RIPOR3: variants seen among roughly 807,000 people sequenced by gnomAD.
RIPOR3 encodes the protein RIPOR family member 3, also known as family with sequence similarity 65 member C.
Under a neutral mutation model 114.3 loss-of-function variants are expected in RIPOR3, and 95 were observed. The observed-to-expected ratio is 0.83, with a 90% CI of 0.70 to 0.99. The LOEUF (loss-of-function observed/expected upper bound fraction) is 0.99. RIPOR3 is among the 50% of genes least tolerant of loss of function. The pLI is 0.00. For missense variants in RIPOR3, 1,252 were observed against 1,266.9 expected, an observed-to-expected ratio of 0.99 and a Z score of 0.18; for synonymous variants, 575 against 543.8, an observed-to-expected ratio of 1.06 and a Z score of -0.80.
chr20:50,654,864 A>G (rs1451373372), intron 1 of RIPOR3, among the ~76,000 whole-genome samples: 1 of 151,804 alleles, frequency 6.6e-6, no homozygotes, highest in African/African-American at 2.4e-5. Flanking sequence ...TCCCACCTCA[A>G]CTCCCCGAGT....
At position 50,589,728 on chromosome 20, in the gene RIPOR3, T is replaced by C. The variant is rs1370110583; in HGVS notation, c.2619A>G (p.Ala873=). Residue 873 remains alanine, a synonymous_variant, in exon 20 of 22, where the codon GCA becomes GCG. Transcript: ENST00000327979. ...CTAGGCATGCGGCCTGCTGGAGCCT[T>C]GCGTCGTTCTCTGCCAGGGCGTTGG... ...FYTNALAEND[A]RLQQAACLAL... is the part of the protein sequence containing the mutation. 2.5e-6 allele frequency: 4 copies of C among 1,613,760 alleles called. No individual in the cohort carries two copies. The highest frequency in any genetic ancestry group is 1.1e-5 in the South Asian group (1 of 91,048).
chr20:50,636,466 G>T, intron 1 of RIPOR3: 1 of 777,272 alleles, frequency 1.3e-6, no homozygotes, highest in Non-Finnish European at 1.6e-6. Flanking sequence ...GGAATGCTCG[G>T]GTGGCTTAGG....
At chr20:50,615,893 A>G in intron 4 of RIPOR3, 109 bp downstream of exon 4, 1 of 1,037,098 alleles carries the variant, frequency 9.6e-7, no homozygotes, top group Non-Finnish European at 1.4e-6. Context: ...ATAAACCTCT[A>G]GTTCTGAGAA....
intron 1 of RIPOR3, among the ~76,000 whole-genome samples, chr20:50,642,345 GGT>G (rs71190581): frequency 0.26 from 25,213 of 95,640 alleles, 2,377 homozygotes; most frequent in African/African-American, 0.48. Context: ...GTTCTCTGTG[GGT>G]GTGTGTGTGT....
intron 1 of RIPOR3, among the ~76,000 whole-genome samples, chr20:50,631,726 GC>G (rs1453113890): frequency 6.6e-6 from 1 of 152,200 alleles, no homozygotes; most frequent in Admixed American, 6.5e-5. Flanking sequence ...CTGCAATGGG[GC>G]CAACCCCGAG....
At position 50,602,749 on chromosome 20, in the gene RIPOR3, C is replaced by G. The variant is rs2083552395; in HGVS notation, c.1087-105G>C. The G allele has an allele frequency of 4.7e-6, 4 of 848,248 alleles. No individual in the cohort carries two copies. Among genetic ancestry groups the G allele is most frequent in the Non-Finnish European group, 6.5e-6 (4 of 615,684 alleles). The allele number at this position is 848,248 out of a possible 1,614,324, so 52.5% of individuals were successfully genotyped here. ...GACACCCGCTGTGCATGCCCATGTT[C>G]TCAGGATGACTGAGGCCTGCCGAGG... On this transcript the variant is annotated intron_variant, in intron 12 of 21. Coordinates refer to ENST00000327979, the MANE Select transcript of RIPOR3 (RefSeq NM_001290268.2). The surrounding 1 kb of genome is among the most constrained non-coding windows in gnomAD (Gnocchi z 4.3).
intron 1 of RIPOR3, among the ~76,000 whole-genome samples, chr20:50,689,786 G>T (rs1600792786): frequency 6.6e-6 from 1 of 152,060 alleles, no homozygotes; most frequent in East Asian, 1.9e-4. Context: ...GGGCTGACTT[G>T]TCCCCAAGGT....
chr20:50,685,338 TC>T (rs1421788575), intron 1 of RIPOR3, among the ~76,000 whole-genome samples: 1 of 148,694 alleles, frequency 6.7e-6, no homozygotes, highest in Non-Finnish European at 1.5e-5. Flanking sequence ...TGCCTCAGCC[TC>T]CCGAGTAACT....
At chr20:50,638,624 G>T (rs74487319) in intron 1 of RIPOR3, among the ~76,000 whole-genome samples, 17 of 152,138 alleles carry the variant, frequency 1.1e-4, no homozygotes, top group African/African-American at 4.1e-4. Context: ...GTGTCGGGGC[G>T]CCAGGTGGGA....
chr20:50,615,377 T>C (rs998849359), intron 4 of RIPOR3, among the ~76,000 whole-genome samples: 86 of 149,698 alleles, frequency 5.7e-4, no homozygotes, highest in African/African-American at 2.0e-3. Flanking sequence ...TTTAAAAAAT[T>C]AGCTGGGCAT....
chr20:50,612,568 AT>A (rs1209505455), intron 4 of RIPOR3, among the ~76,000 whole-genome samples: 19 of 152,150 alleles, frequency 1.2e-4, no homozygotes, highest in African/African-American at 3.9e-4. Context: ...TTGACATTTC[AT>A]TTTTGTAAGA....
In RIPOR3 at chr20:50,608,671, G is replaced by A; in HGVS notation, c.752C>T (p.Thr251Ile). Residue 251 changes from threonine to isoleucine, a missense_variant, in exon 10 of 22, where the codon ACC becomes ATC. Coordinates refer to ENST00000327979, the MANE Select transcript of RIPOR3 (RefSeq NM_001290268.2). Reference sequence around the variant, plus strand: ...GAAGGCCTTCTCCTCTTCGTCCCAGGTCTGGCTGTCATCTGACTCGATCCG... The same window carrying A: ...GAAGGCCTTCTCCTCTTCGTCCCAGATCTGGCTGTCATCTGACTCGATCCG... ...KGRIESDDSQ[T>I]WDEEEKAFIP... 1 of 1,614,022 alleles carries A rather than the reference G, an allele frequency of 6.2e-7. No homozygotes were observed. The highest frequency in any genetic ancestry group is 8.5e-7 in the Non-Finnish European group (1 of 1,179,914).
At chr20:50,631,989 C>T (rs543503319) in intron 1 of RIPOR3, among the ~76,000 whole-genome samples, 3 of 152,296 alleles carry the variant, frequency 2.0e-5, no homozygotes, top group East Asian at 3.9e-4. Flanking sequence ...TCTTCCTGCA[C>T]GATGAGACCC....
At chr20:50,614,002 G>T (rs146269470) in intron 4 of RIPOR3, among the ~76,000 whole-genome samples, 3 of 152,092 alleles carry the variant, frequency 2.0e-5, no homozygotes, top group Admixed American at 6.5e-5. Context: ...ATACAGAGAC[G>T]GCCGCTTGTT....
rs758506898 is a variant in RIPOR3, at chr20:50,592,464, C to G, written c.2457G>C (p.Gln819His). Reference protein sequence around the residue: ...KLQGKRLGQLQPLPQTLRAWA... With the variant: ...KLQGKRLGQLHPLPQTLRAWA... ...AGGCTCTTAAGGTCTGGGGCAGAGG[C>G]TGGAGCTGGCCCAGCCGCTTCCCCT... Residue 819 changes from glutamine (Q) to histidine (H), a missense_variant, in exon 19 of 22, where the codon CAG becomes CAC. Gln to His is a conservative substitution (Grantham distance 24, BLOSUM62 0). Transcript: ENST00000327979. 5.0e-6 allele frequency: 8 copies of G among 1,611,988 alleles called. No individual in the cohort carries two copies. The highest frequency in any genetic ancestry group is 6.8e-6 in the Non-Finnish European group (8 of 1,179,290).
chr20:50,594,742 T>C (rs1199897373), intron 16 of RIPOR3, 28 bp from the exon 17 acceptor site: 1 of 1,596,748 alleles, frequency 6.3e-7, no homozygotes, highest in Admixed American at 1.7e-5. Flanking sequence ...GAAACCTGAA[T>C]GGTGACTCGG....
intron 1 of RIPOR3, among the ~76,000 whole-genome samples, chr20:50,674,536 C>A (rs745590398): frequency 6.7e-6 from 1 of 150,320 alleles, no homozygotes; most frequent in Non-Finnish European, 1.5e-5. Context: ...TCATGTCCAC[C>A]CAGAGACACA....
In RIPOR3 at chr20:50,594,598, A is replaced by C. The variant is rs1216209404; in HGVS notation, c.2167T>G (p.Phe723Val). The change falls in exon 17 of 22, where the codon TTC (phenylalanine) becomes GTC (valine). Residue 723 changes from phenylalanine to valine, a missense_variant. Transcript: ENST00000327979. Reference sequence around the variant, plus strand: ...TACTTCCCTCTGACTCTGTGCTGGAAGGTTTTCTTGAGCTGGTTCAGCAGC... The same window carrying C: ...TACTTCCCTCTGACTCTGTGCTGGACGGTTTTCTTGAGCTGGTTCAGCAGC... ...TTLLNQLKKT[F>V]QHRVRGKYPG... 6.2e-7 allele frequency: 1 copy of C among 1,614,070 alleles called. No homozygotes were observed. The highest frequency in any genetic ancestry group is 1.1e-5 in the South Asian group (1 of 91,080).
At chr20:50,623,889 T>A (rs1229057133) in intron 2 of RIPOR3, among the ~76,000 whole-genome samples, 1 of 152,202 alleles carries the variant, frequency 6.6e-6, no homozygotes, top group East Asian at 1.9e-4. Context: ...CAGGCTGGAG[T>A]GCAGTGGCAC....
Sources: gnomAD v4.1 joint callset for allele counts (sites outside exome capture counted in the v4.1 genomes callset) on GRCh38, gnomAD v4.1.1 for gene constraint, Gnocchi (gnomAD v3.1) non-coding constraint, MANE v1.5 for transcripts, NCBI Gene and HGNC (gene_info 2026-07-23, HGNC 2026-07-21) for gene names.